The following PCSK6 variants were observed in gnomAD, a reference collection of about 807,000 sequenced individuals.
PCSK6 encodes the protein paired basic amino acid cleaving enzyme 4.
In PCSK6, 85 loss-of-function variants were observed where a neutral mutation model predicts 123.3. The observed-to-expected ratio is 0.69, with a 90% CI of 0.58 to 0.83. The LOEUF is 0.83. Ranked by LOEUF, PCSK6 falls within the 40% of genes least tolerant of loss-of-function variation. The pLI is 0.00. For missense variants in PCSK6, 1,191 were observed against 1,282.3 expected, an observed-to-expected ratio of 0.93 and a Z score of 1.09; for synonymous variants, 508 against 516.0, an observed-to-expected ratio of 0.98 and a Z score of 0.21.
chr15:101,332,263 C>T (rs1199861351), intron 13 of PCSK6, among the ~76,000 whole-genome samples: 1 of 152,230 alleles, frequency 6.6e-6, no homozygotes, highest in African/African-American at 2.4e-5. Context: ...TTCTATCGAG[C>T]TGCCCTCCGC....
chr15:101,455,473 C>A (rs1596352134), intron 1 of PCSK6, among the ~76,000 whole-genome samples: 1 of 152,264 alleles, frequency 6.6e-6, no homozygotes, highest in Admixed American at 6.5e-5. Context: ...CTGACCGGGA[C>A]TGACAGTCAT....
rs139808518 is a variant in PCSK6 at position 101,387,118 on chromosome 15, G to A, written c.1310+2346C>T. 1.7e-3 allele frequency among the ~76,000 whole-genome samples: 263 copies of A among 152,228 alleles called. 1 individual carries two copies. The highest frequency in any genetic ancestry group is 5.7e-3 in the African/African-American group (238 of 41,530). On this transcript the variant is annotated intron_variant, in intron 9 of 21. Transcript: ENST00000611716. Reference sequence around the variant, plus strand: ...ACTGGCTTCCTCACCGTCTCTCCCCGTCCGTGTCCAGTGGCTCAGTCTCCA... The same window carrying A: ...ACTGGCTTCCTCACCGTCTCTCCCCATCCGTGTCCAGTGGCTCAGTCTCCA...
chr15:101,355,966 G>A (rs1327467975), intron 13 of PCSK6, among the ~76,000 whole-genome samples: 1 of 152,218 alleles, frequency 6.6e-6, no homozygotes, highest in Non-Finnish European at 1.5e-5. Flanking sequence ...TTACAGGAGA[G>A]GAGACCCAGC....
At chr15:101,461,306 C>T (rs2057335899) in intron 1 of PCSK6, among the ~76,000 whole-genome samples, 1 of 152,110 alleles carries the variant, frequency 6.6e-6, no homozygotes, top group Non-Finnish European at 1.5e-5. Flanking sequence ...TATGAAACCA[C>T]TAACTAAAAA....
intron 1 of PCSK6, among the ~76,000 whole-genome samples, chr15:101,451,759 T>C (rs905154197): frequency 6.6e-6 from 1 of 152,236 alleles, no homozygotes; most frequent in Non-Finnish European, 1.5e-5. Context: ...AGTTATATAA[T>C]GTTATTGATC....
At chr15:101,319,824 C>T (rs1027304430) in intron 18 of PCSK6, among the ~76,000 whole-genome samples, 4 of 152,254 alleles carry the variant, frequency 2.6e-5, no homozygotes, top group African/African-American at 9.6e-5. Flanking sequence ...TCACCCTCCG[C>T]ATCTCTTCAT....
At chr15:101,403,310 T>C (rs900025613) in intron 6 of PCSK6, among the ~76,000 whole-genome samples, 90 of 147,154 alleles carry the variant, frequency 6.1e-4, no homozygotes, top group South Asian at 9.1e-4. Context: ...TTAGGAGATA[T>C]ACCTAATGCT....
At chr15:101,459,714 AC>A (rs1013188659) in intron 1 of PCSK6, among the ~76,000 whole-genome samples, 40 of 149,620 alleles carry the variant, frequency 2.7e-4, no homozygotes, top group African/African-American at 9.8e-4. Context: ...CCCCTCACCA[AC>A]ACCCCTCCCT....
rs187590098 is a variant in PCSK6 at position 101,353,688 on chromosome 15, C to T, written c.1858+12508G>A. 6.0e-3 allele frequency among the ~76,000 whole-genome samples: 918 copies of T among 152,292 alleles called. 9 individuals are homozygous for T. Among genetic ancestry groups the T allele is most frequent in the South Asian group, 0.028 (135 of 4,818 alleles). On this transcript the variant is annotated intron_variant, in intron 13 of 21. Transcript: ENST00000611716. ...AATCCAACCAGAAATATCCTGAAGC[C>T]AGACACATGAAAACCACTGGCCACA... is the stretch of plus-strand genomic sequence containing the variant.
At chr15:101,403,260 G>GACCA (rs2042652171) in intron 6 of PCSK6, among the ~76,000 whole-genome samples, 1 of 129,298 alleles carries the variant, frequency 7.7e-6, no homozygotes, top group Non-Finnish European at 1.6e-5. Flanking sequence ...ATCACACTCT[G>GACCA]GGGACTGTTG....
At chr15:101,472,032 A>C (rs555719586) in intron 1 of PCSK6, among the ~76,000 whole-genome samples, 1 of 64,002 alleles carries the variant, frequency 1.6e-5, no homozygotes, top group Non-Finnish European at 4.7e-5. Flanking sequence ...CGAAATTGTG[A>C]TAAAAAAAAG....
intron 18 of PCSK6, among the ~76,000 whole-genome samples, 152 bp downstream of exon 18, chr15:101,322,368 C>T (rs1399925222): frequency 2.0e-5 from 3 of 152,218 alleles, no homozygotes; most frequent in Non-Finnish European, 4.4e-5. Context: ...TAAGTGGACA[C>T]ACGATTTCCA....
chr15:101,347,451 C>T (rs1047850609), intron 13 of PCSK6: 3 of 1,250,656 alleles, frequency 2.4e-6, no homozygotes, highest in Non-Finnish European at 2.0e-6. Flanking sequence ...ACAGAAGAGA[C>T]TAATCTCTTC....
Position 101,326,460 on chromosome 15 carries a change from A to G in PCSK6, c.2097T>C (p.Cys699=), listed in dbSNP as rs1223944708. The G allele has an allele frequency of 1.3e-6, 2 of 1,582,214 alleles. No homozygotes were observed. Among genetic ancestry groups the G allele is most frequent in the Non-Finnish European group, 1.7e-6 (2 of 1,163,858 alleles). The change falls in exon 16 of 22, where the codon TGT becomes TGC. Residue 699 remains cysteine (C), a synonymous_variant. Transcript: ENST00000611716. ...TGGGGCCATCACAGCCTTTGTCACC[A>G]CACTCCGGATGGCACACACCTTAAA... ...ILQTSVCHPE[C]GDKGCDGPNA...
chr15:101,356,418 C>T (rs1049514026), intron 13 of PCSK6, among the ~76,000 whole-genome samples: 2 of 147,322 alleles, frequency 1.4e-5, no homozygotes, highest in Admixed American at 1.4e-4. Flanking sequence ...GCAGCACTTT[C>T]GGAGGCCGAG....
In PCSK6 at chr15:101,382,073, T is replaced by C. The variant is rs780969093; in HGVS notation, c.1532+19A>G. The C allele has an allele frequency of 6.4e-7, 1 of 1,559,334 alleles. No individual in the cohort carries two copies. The highest frequency in any genetic ancestry group is 1.2e-5 in the South Asian group (1 of 86,138). On this transcript the variant is annotated intron_variant, in intron 11 of 21. Coordinates refer to ENST00000611716, the MANE Select transcript of PCSK6 (RefSeq NM_002570.5). The stretch of plus-strand genomic sequence containing the variant: ...ACCCACGTGCCTGAGAAGTCACCGA[T>C]GCCACAGCAGAGCCTTACCTGGGTC...
At chr15:101,431,898 T>A (rs2056458489) in intron 3 of PCSK6, 92 bp downstream of exon 3, 1 of 904,222 alleles carries the variant, frequency 1.1e-6, no homozygotes, top group South Asian at 1.4e-5. Flanking sequence ...GGAGATGTTG[T>A]TTGAATTTAG....
intron 8 of PCSK6, among the ~76,000 whole-genome samples, chr15:101,390,881 T>C (rs1277399376): frequency 6.6e-6 from 1 of 152,148 alleles, no homozygotes; most frequent in East Asian, 1.9e-4. Flanking sequence ...TTGTGATAAT[T>C]TGTTATGGCA....
chr15:101,438,954 G>A (rs1419463224), intron 2 of PCSK6, among the ~76,000 whole-genome samples: 1 of 152,236 alleles, frequency 6.6e-6, no homozygotes, highest in Non-Finnish European at 1.5e-5. Context: ...GCTCTGCAGA[G>A]GGAAAAAGAG....
Sources: gnomAD v4.1 joint callset for allele counts (sites outside exome capture counted in the v4.1 genomes callset) on GRCh38, gnomAD v4.1.1 for gene constraint, MANE v1.5 for transcripts, NCBI Gene and HGNC (gene_info 2026-07-23, HGNC 2026-07-21) for gene names.